The following RBFOX1 variants were observed in gnomAD, a reference collection of about 807,000 sequenced individuals.
RBFOX1 encodes the protein RNA binding fox-1 homolog 1, also known as RNA binding protein fox-1 homolog 1.
RBFOX1 carries 8 observed loss-of-function variants against 57.7 expected under a neutral mutation model. That is an observed-to-expected ratio of 0.14 (90% confidence interval 0.08 to 0.25). The LOEUF is 0.25. Ranked by LOEUF, RBFOX1 falls within the 10% of genes least tolerant of loss-of-function variation. The pLI, the probability that RBFOX1 is intolerant of heterozygous loss-of-function variation, is 1.00. For synonymous variants in RBFOX1, 326 were observed against 222.4 expected (o/e 1.47, Z -4.15); for missense variants, 611 against 548.5 (o/e 1.11, Z -1.14).
intron 14 of RBFOX1, among the ~76,000 whole-genome samples, chr16:7,706,649 A>AACAAACTCTCAAGGATTTC (rs1490741129): frequency 1.3e-5 from 2 of 152,162 alleles, no homozygotes; most frequent in African/African-American, 4.8e-5. Context: ...AACATCACTT[A>AACAAACTCTCAAGGATTTC]ACAAACTCTC....
chr16:5,443,238 C>T (rs1009522482), intron 1 of RBFOX1, among the ~76,000 whole-genome samples: 3 of 152,156 alleles, frequency 2.0e-5, no homozygotes, highest in African/African-American at 7.2e-5. Context: ...AAAAACCCAA[C>T]CTAATGCTTA....
chr16:6,232,549 C>T (rs2097471773), intron 1 of RBFOX1, among the ~76,000 whole-genome samples: 1 of 152,160 alleles, frequency 6.6e-6, no homozygotes, highest in Non-Finnish European at 1.5e-5. Flanking sequence ...TAAATAGTCA[C>T]TTTAAAAGCA....
chr16:5,877,620 T>C (rs752579863), intron 4 of RBFOX1, among the ~76,000 whole-genome samples: 4 of 152,226 alleles, frequency 2.6e-5, no homozygotes, highest in Non-Finnish European at 5.9e-5. Flanking sequence ...ACAGCAGCTT[T>C]TATTGAAGCA....
At chr16:6,426,423 A>T (rs2093930361) in intron 2 of RBFOX1, among the ~76,000 whole-genome samples, 1 of 152,118 alleles carries the variant, frequency 6.6e-6, no homozygotes, top group African/African-American at 2.4e-5. Context: ...AGAGGAGGGG[A>T]AAGAGATAAT....
intron 1 of RBFOX1, among the ~76,000 whole-genome samples, chr16:5,277,490 C>T (rs1333649719): frequency 6.6e-6 from 1 of 152,074 alleles, no homozygotes; most frequent in African/African-American, 2.4e-5. Flanking sequence ...TAGTCACTTT[C>T]TATGATATTA....
At chr16:7,178,698 T>C (rs1232975722) in intron 4 of RBFOX1, among the ~76,000 whole-genome samples, 1 of 152,172 alleles carries the variant, frequency 6.6e-6, no homozygotes, top group Non-Finnish European at 1.5e-5. Context: ...ATGGTAAAAG[T>C]CATTATCAGT....
intron 3 of RBFOX1, among the ~76,000 whole-genome samples, chr16:6,656,715 A>G (rs1241483534): frequency 6.6e-6 from 1 of 151,986 alleles, no homozygotes; most frequent in African/African-American, 2.4e-5. Flanking sequence ...ATTTTTTTCT[A>G]AACTTGACCT....
chr16:5,883,958 T>C (rs2057831613), intron 4 of RBFOX1, among the ~76,000 whole-genome samples: 1 of 152,196 alleles, frequency 6.6e-6, no homozygotes, highest in African/African-American at 2.4e-5. Flanking sequence ...GTAAAAGCCA[T>C]TGAGGTAAGC....
chr16:5,290,816 A>G (rs2063515692), intron 1 of RBFOX1, among the ~76,000 whole-genome samples: 1 of 151,910 alleles, frequency 6.6e-6, no homozygotes, highest in African/African-American at 2.4e-5. Context: ...TTCCTGCCTC[A>G]GTCTCCCGAG....
At chr16:7,046,603 C>CTTTTTTTTTTTTTTTTTTTTTTTTTTTT (rs59921108) in intron 3 of RBFOX1, among the ~76,000 whole-genome samples, 1 of 85,012 alleles carries the variant, frequency 1.2e-5, no homozygotes, top group Non-Finnish European at 2.2e-5. Flanking sequence ...TGTGTTTTAT[C>CTTTTTTTTTTTTTTTTTTTTTTTTTTTT]TTTTTTTTTT....
intron 14 of RBFOX1, among the ~76,000 whole-genome samples, chr16:7,707,414 G>A (rs781195453): frequency 2.2e-4 from 34 of 152,212 alleles, no homozygotes; most frequent in Non-Finnish European, 3.8e-4. Flanking sequence ...GGAAAGGAGA[G>A]GGAAAAGGTA....
intron 1 of RBFOX1, among the ~76,000 whole-genome samples, chr16:6,118,524 G>A (rs540994502): frequency 1.8e-4 from 27 of 152,112 alleles, no homozygotes; most frequent in African/African-American, 6.3e-4. Context: ...AGTGGCTGCT[G>A]CTGCCGCCGC....
chr16:7,004,810 G>A (rs1054087204), intron 3 of RBFOX1, among the ~76,000 whole-genome samples: 12 of 152,098 alleles, frequency 7.9e-5, no homozygotes, highest in African/African-American at 2.9e-4. Context: ...CTCTATAAGT[G>A]GCTGGGTCAG....
intron 3 of RBFOX1, among the ~76,000 whole-genome samples, chr16:6,680,113 A>G (rs1380147755): frequency 6.6e-6 from 1 of 151,988 alleles, no homozygotes; most frequent in African/African-American, 2.4e-5. Flanking sequence ...TCTCATCTGT[A>G]AAATGGGGTC....
chr16:6,302,372 C>T (rs915234225), intron 1 of RBFOX1, among the ~76,000 whole-genome samples: 1 of 152,062 alleles, frequency 6.6e-6, no homozygotes, highest in Non-Finnish European at 1.5e-5. Flanking sequence ...AGCATTGTAC[C>T]AAATGGCTTG....
intron 2 of RBFOX1, among the ~76,000 whole-genome samples, chr16:5,548,172 A>ATATATATATATATATCTATATATAT (rs1442260697): frequency 3.5e-5 from 1 of 28,284 alleles, no homozygotes; most frequent in Non-Finnish European, 8.3e-5. Flanking sequence ...AAAAAAAAAA[A>ATATATATATATATATCTATATATAT]AAATATATAT....
At chr16:6,491,557 T>G (rs910133457) in intron 2 of RBFOX1, among the ~76,000 whole-genome samples, 1 of 152,212 alleles carries the variant, frequency 6.6e-6, no homozygotes, top group Non-Finnish European at 1.5e-5. Flanking sequence ...TTGTTCAGTA[T>G]ATAGAATTGC....
chr16:6,823,323 C>A (rs865828890), intron 3 of RBFOX1, among the ~76,000 whole-genome samples: 3 of 151,560 alleles, frequency 2.0e-5, no homozygotes, highest in African/African-American at 4.9e-5. Flanking sequence ...ATGGCATGAT[C>A]TTGACTCACT....
chr16:5,804,760 G>C (rs1259285351), intron 3 of RBFOX1, among the ~76,000 whole-genome samples: 1 of 152,138 alleles, frequency 6.6e-6, no homozygotes, highest in Non-Finnish European at 1.5e-5. Context: ...GCCTGGCCTT[G>C]AGTCCTACCA....
Sources: allele counts gnomAD v4.1 joint callset (sites outside exome capture counted in the v4.1 genomes callset), GRCh38; gene constraint gnomAD v4.1.1; transcripts MANE v1.5; gene names NCBI Gene and HGNC (gene_info 2026-07-23, HGNC 2026-07-21).